The following HEMK2 variants were observed in gnomAD, a reference collection of about 807,000 sequenced individuals.
HEMK2 encodes HemK methyltransferase 2, ETF1 glutamine and histone H4 lysine, also known as methyltransferase HEMK2.
the HEMK2 span, among the ~76,000 whole-genome samples, chr21:28,620,660 C>CTTTTTTTTTTTTTTTTTTT: frequency 1.8e-3 from 90 of 49,654 alleles, 25 homozygotes; most frequent in African/African-American, 3.5e-3. Flanking sequence ...TCTCTCTTTT[C>CTTTTTTTTTTTTTTTTTTT]TTTTTTTTTT....
chr21:28,867,184 G>C, the HEMK2 span, among the ~76,000 whole-genome samples: 1 of 152,114 alleles, frequency 6.6e-6, no homozygotes, highest in Non-Finnish European at 1.5e-5. Flanking sequence ...CAACAGACAT[G>C]TACAGAGATG....
chr21:28,596,271 G>T, the HEMK2 span, among the ~76,000 whole-genome samples: 4 of 152,098 alleles, frequency 2.6e-5, no homozygotes, highest in African/African-American at 9.7e-5. Context: ...CCCCACCTCA[G>T]CCTCCCAAAG....
the HEMK2 span, among the ~76,000 whole-genome samples, chr21:28,673,869 A>T: frequency 2.6e-5 from 4 of 151,696 alleles, no homozygotes; most frequent in Non-Finnish European, 4.4e-5. Flanking sequence ...AGGACAAAAC[A>T]TTCGTTAAAA....
chr21:28,847,577 T>A, the HEMK2 span, among the ~76,000 whole-genome samples: 3 of 152,356 alleles, frequency 2.0e-5, no homozygotes, highest in East Asian at 5.8e-4. Flanking sequence ...GTTGTTTGTT[T>A]ACTCTGTTAA....
chr21:28,762,383 CAAATA>C, the HEMK2 span, among the ~76,000 whole-genome samples: 1 of 152,064 alleles, frequency 6.6e-6, no homozygotes, highest in Non-Finnish European at 1.5e-5. Context: ...ACATTAAAAA[CAAATA>C]AAGCTGAGTC....
At chr21:28,592,042 T>C in the HEMK2 span, among the ~76,000 whole-genome samples, 2 of 152,272 alleles carry the variant, frequency 1.3e-5, no homozygotes, top group South Asian at 4.1e-4. Flanking sequence ...GATAGAACAA[T>C]TATATTCTTG....
chr21:28,837,936 C>G, the HEMK2 span, among the ~76,000 whole-genome samples: 1 of 151,956 alleles, frequency 6.6e-6, no homozygotes, highest in Non-Finnish European at 1.5e-5. Flanking sequence ...ACTAGAAAAC[C>G]CAGAATAGAT....
chr21:28,628,633 T>C, the HEMK2 span, among the ~76,000 whole-genome samples: 1 of 152,158 alleles, frequency 6.6e-6, no homozygotes, highest in Non-Finnish European at 1.5e-5. Context: ...TTGTATTTTT[T>C]AGTAAAGACA....
chr21:28,866,924 G>C, the HEMK2 span, among the ~76,000 whole-genome samples: 2 of 151,998 alleles, frequency 1.3e-5, no homozygotes, highest in African/African-American at 2.4e-5. Context: ...ATAAACATAT[G>C]AAAATTTCAA....
chr21:28,757,223 A>C, the HEMK2 span, among the ~76,000 whole-genome samples: 29,357 of 152,166 alleles, frequency 0.19, 3,527 homozygotes, highest in African/African-American at 0.34. Context: ...ATTCAAACTA[A>C]ATGACAGGAA....
chr21:28,785,663 G>A, the HEMK2 span, among the ~76,000 whole-genome samples: 6 of 152,164 alleles, frequency 3.9e-5, no homozygotes, highest in African/African-American at 1.2e-4. Context: ...AATATGCCCA[G>A]GTTAGCCTGC....
chr21:28,802,844 C>A, the HEMK2 span, among the ~76,000 whole-genome samples: 2 of 152,132 alleles, frequency 1.3e-5, no homozygotes, highest in African/African-American at 4.8e-5. Flanking sequence ...ACAATTTTAA[C>A]TTAAAAATAA....
chr21:28,599,304 A>G, the HEMK2 span, among the ~76,000 whole-genome samples: 1 of 152,222 alleles, frequency 6.6e-6, no homozygotes, highest in East Asian at 1.9e-4. Flanking sequence ...ATGGATTCAC[A>G]GTTCCATATG....
At chr21:28,595,546 A>T in the HEMK2 span, among the ~76,000 whole-genome samples, 2,713 of 152,292 alleles carry the variant, frequency 0.018, 106 homozygotes, top group African/African-American at 0.063. Context: ...CTCCATTGTG[A>T]ATAAATACTA....
At chr21:28,851,144 G>A in the HEMK2 span, among the ~76,000 whole-genome samples, 16,857 of 152,158 alleles carry the variant, frequency 0.11, 1,182 homozygotes, top group East Asian at 0.34. Context: ...AACAGGCCAA[G>A]AACTGTTTCT....
the HEMK2 span, among the ~76,000 whole-genome samples, chr21:28,758,282 C>A: frequency 6.6e-6 from 1 of 152,114 alleles, no homozygotes. Context: ...ACAAGAAAGG[C>A]AGGAGCCATG....
At chr21:28,690,072 C>G in the HEMK2 span, among the ~76,000 whole-genome samples, 1 of 152,150 alleles carries the variant, frequency 6.6e-6, no homozygotes. Flanking sequence ...TACACAGCGG[C>G]AGGCAAGAGA....
At chr21:28,578,700 T>G in the HEMK2 span, among the ~76,000 whole-genome samples, 10 of 152,176 alleles carry the variant, frequency 6.6e-5, no homozygotes, top group South Asian at 2.1e-4. Context: ...TGTCCCTGGT[T>G]TCCTTGATAA....
chr21:28,791,720 G>A, the HEMK2 span, among the ~76,000 whole-genome samples: 1 of 152,086 alleles, frequency 6.6e-6, no homozygotes, highest in Admixed American at 6.6e-5. Flanking sequence ...GGGAGTCATT[G>A]GCAACTTTAA....
Sources: gnomAD v4.1 joint callset for allele counts (sites outside exome capture counted in the v4.1 genomes callset) on GRCh38, gnomAD v4.1.1 for gene constraint, MANE v1.5 for transcripts, NCBI Gene and HGNC (gene_info 2026-07-23, HGNC 2026-07-21) for gene names.